The following MAP7 variants were observed in gnomAD, a reference collection of about 807,000 sequenced individuals.
The protein encoded by MAP7 is ensconsin.
MAP7 carries 52 observed loss-of-function variants against 94.8 expected under a neutral mutation model. The observed-to-expected ratio is 0.55, with a 90% confidence interval of 0.44 to 0.69. The LOEUF is 0.69. MAP7 is among the 30% of genes least tolerant of loss of function. The pLI, the probability that MAP7 is intolerant of heterozygous loss-of-function variation, is 0.00. For synonymous variants in MAP7, 350 were observed against 357.0 expected (o/e 0.98, Z 0.22); for missense variants, 940 against 964.6 (o/e 0.97, Z 0.34).
At chr6:136,498,041 T>C (rs1315774898) in intron 1 of MAP7, among the ~76,000 whole-genome samples, 2 of 152,066 alleles carry the variant, frequency 1.3e-5, no homozygotes, top group East Asian at 3.8e-4. Context: ...GTTATTTTTC[T>C]CAACTGACAA....
At chr6:136,533,265 G>A (rs987480849) in intron 1 of MAP7, among the ~76,000 whole-genome samples, 13 of 152,026 alleles carry the variant, frequency 8.6e-5, no homozygotes, top group Admixed American at 3.9e-4. Context: ...AGAGTGAAAC[G>A]CCATCTAAAA....
At chr6:136,347,479 C>T (rs1450804507) in intron 16 of MAP7, among the ~76,000 whole-genome samples, 1 of 152,158 alleles carries the variant, frequency 6.6e-6, no homozygotes, top group African/African-American at 2.4e-5. Flanking sequence ...AGTCTCAGCT[C>T]ACTCCAACTT....
chr6:136,351,965 G>A (rs9376182), intron 16 of MAP7, among the ~76,000 whole-genome samples: 7,268 of 152,186 alleles, frequency 0.048, 352 homozygotes, highest in African/African-American at 0.12. Context: ...GCAGATTCAT[G>A]GTAGAGTGCT....
At chr6:136,532,513 T>A (rs1052198626) in intron 1 of MAP7, among the ~76,000 whole-genome samples, 1 of 152,184 alleles carries the variant, frequency 6.6e-6, no homozygotes. Flanking sequence ...GACCAGGGAC[T>A]GTTAAGTTAT....
intron 8 of MAP7, 23 bp from the exon 9 acceptor site, chr6:136,366,462 G>A (rs1247151112): frequency 1.3e-6 from 2 of 1,522,128 alleles, no homozygotes; most frequent in African/African-American, 2.7e-5. Flanking sequence ...AAACTCAATA[G>A]TTAGATTTTT....
intron 1 of MAP7, among the ~76,000 whole-genome samples, chr6:136,517,787 T>C (rs1036138455): frequency 6.6e-6 from 1 of 152,210 alleles, no homozygotes; most frequent in African/African-American, 2.4e-5. Context: ...CTAGTGAACG[T>C]GGTGAAACTT....
chr6:136,488,601 C>T (rs1302311607), intron 1 of MAP7, among the ~76,000 whole-genome samples: 5 of 151,870 alleles, frequency 3.3e-5, no homozygotes, highest in African/African-American at 7.3e-5. Context: ...CCCGCCACCA[C>T]GCCCAGCTAA....
intron 1 of MAP7, among the ~76,000 whole-genome samples, chr6:136,426,843 T>C (rs910072888): frequency 6.6e-6 from 1 of 152,232 alleles, no homozygotes; most frequent in African/African-American, 2.4e-5. Flanking sequence ...ATATATCACA[T>C]GGAACTTCCA....
intron 1 of MAP7, among the ~76,000 whole-genome samples, chr6:136,472,474 T>G (rs978016477): frequency 6.6e-6 from 1 of 152,236 alleles, no homozygotes; most frequent in African/African-American, 2.4e-5. Context: ...TATCCATATG[T>G]GTAAGAAACT....
chr6:136,434,662 G>A (rs1238791474), intron 1 of MAP7, among the ~76,000 whole-genome samples: 2 of 151,540 alleles, frequency 1.3e-5, no homozygotes, highest in Non-Finnish European at 2.9e-5. Context: ...CCAAATAAGG[G>A]ATCTCAAATT....
At chr6:136,498,749 A>G (rs1562464766) in intron 1 of MAP7, among the ~76,000 whole-genome samples, 1 of 148,952 alleles carries the variant, frequency 6.7e-6, no homozygotes, top group African/African-American at 2.5e-5. Flanking sequence ...CTATATGGCA[A>G]TGTGTGTGTG....
In MAP7 at chr6:136,550,040, G is replaced by A. The variant is rs946805157; in HGVS notation, c.67+302C>T. Among the ~76,000 whole-genome samples the A allele has an allele frequency of 6.6e-6, 1 of 151,986 alleles. No individual in the cohort carries two copies. Among genetic ancestry groups the A allele is most frequent in the African/African-American group, 2.4e-5 (1 of 41,408 alleles). On this transcript the variant is annotated intron_variant, in intron 1 of 17. Transcript: ENST00000354570. This position sits in a 1 kb window ranked among gnomAD's most constrained non-coding sequence, Gnocchi z 5.1. ...GGCCGCGGCGGGGAGGGCAGCGGCC[G>A]GGGTCTCTCCGTTTCCTCCCCCGGC...
At chr6:136,440,139 T>G (rs996635825) in intron 1 of MAP7, among the ~76,000 whole-genome samples, 4 of 152,070 alleles carry the variant, frequency 2.6e-5, no homozygotes, top group Admixed American at 6.5e-5. Context: ...ACAAGTACAA[T>G]GACAAACGGG....
In MAP7 at chr6:136,353,710, T is replaced by C. The variant is rs143691716; in HGVS notation, c.2015+2982A>G. Among the ~76,000 whole-genome samples, 748 of 152,244 alleles carry C rather than the reference T, an allele frequency of 4.9e-3. 7 individuals are homozygous for C. Among genetic ancestry groups the C allele is most frequent in the African/African-American group, 0.017 (717 of 41,546 alleles). ...CTGGGACTACAGTTGTGTGCCACCA[T>C]GCCTGGCTAATTTTTGTATTTTTTT... On this transcript the variant is annotated intron_variant, in intron 16 of 17. Transcript: ENST00000354570.
chr6:136,503,567 T>C (rs1317045751), intron 1 of MAP7, among the ~76,000 whole-genome samples: 1 of 152,178 alleles, frequency 6.6e-6, no homozygotes, highest in African/African-American at 2.4e-5. Context: ...ATTAGCTTTA[T>C]ACCAGATTAC....
intron 2 of MAP7, among the ~76,000 whole-genome samples, chr6:136,418,853 C>T (rs1174564509): frequency 6.6e-6 from 1 of 152,156 alleles, no homozygotes; most frequent in African/African-American, 2.4e-5. Flanking sequence ...AAGGCCAGCC[C>T]TCCAACACAT....
At chr6:136,412,649 G>A (rs568453486) in intron 2 of MAP7, among the ~76,000 whole-genome samples, 79 of 152,268 alleles carry the variant, frequency 5.2e-4, no homozygotes, top group African/African-American at 1.9e-3. Context: ...GGAGATCTGA[G>A]GGACTGGAAC....
chr6:136,458,879 T>G (rs1200041005), intron 1 of MAP7, among the ~76,000 whole-genome samples: 1 of 151,806 alleles, frequency 6.6e-6, no homozygotes, highest in Non-Finnish European at 1.5e-5. Context: ...CAAAAACACA[T>G]ACAATAAAAG....
chr6:136,550,311 G>C lies in MAP7; in HGVS notation c.67+31C>G, dbSNP rs1281986428. On this transcript the variant is annotated intron_variant, in intron 1 of 17. Coordinates refer to ENST00000354570, the MANE Select transcript of MAP7 (RefSeq NM_003980.6). The surrounding 1 kb of genome is among the most constrained non-coding windows in gnomAD (Gnocchi z 5.1). ...CCCCGCTCGCCGTCCCCTGCCCGAC[G>C]GGACCCCCACTATCCCCGCTGTGCG... The C allele has an allele frequency of 1.2e-5, 17 of 1,474,450 alleles. No homozygotes were observed. The highest frequency in any genetic ancestry group is 5.7e-5 in the East Asian group (2 of 34,886). The allele number at this position is 1,474,450 out of a possible 1,614,324, so 91.3% of individuals were successfully genotyped here. A position where few individuals can be genotyped will look rare whatever the true frequency, so the allele number is the denominator to read the frequency against.
Sources: gnomAD v4.1 joint callset for allele counts (sites outside exome capture counted in the v4.1 genomes callset) on GRCh38, gnomAD v4.1.1 for gene constraint, Gnocchi (gnomAD v3.1) non-coding constraint, MANE v1.5 for transcripts, NCBI Gene and HGNC (gene_info 2026-07-23, HGNC 2026-07-21) for gene names.